CDH18: variants seen among roughly 807,000 people sequenced by gnomAD.
CDH18 encodes cadherin 18, also known as cadherin-18.
In CDH18, 31 loss-of-function variants were observed where a neutral mutation model predicts 67.9. That is an observed-to-expected ratio of 0.46 (90% CI 0.34 to 0.62). CDH18 has a LOEUF of 0.62. Ranked by LOEUF, CDH18 falls within the 20% of genes least tolerant of loss-of-function variation. The pLI is 0.01. For missense variants in CDH18, 890 were observed against 975.5 expected (o/e 0.91, Z 1.17); for synonymous variants, 362 against 347.2 (o/e 1.04, Z -0.48).
At chr5:20,301,985 C>T (rs1465391023) in intron 1 of CDH18, among the ~76,000 whole-genome samples, 1 of 151,872 alleles carries the variant, frequency 6.6e-6, no homozygotes, top group African/African-American at 2.4e-5. Context: ...GATGGCATAA[C>T]AAATTTTTTT....
intron 2 of CDH18, among the ~76,000 whole-genome samples, chr5:19,994,732 TATATATAG>T (rs1735795844): frequency 2.4e-4 from 3 of 12,532 alleles, no homozygotes; most frequent in African/African-American, 3.4e-4. Flanking sequence ...TATATATATA[TATATATAG>T]AGAGAGAGAG....
rs1247620818 is a variant in CDH18 at position 19,734,127 on chromosome 5, T to C, written c.524-12661A>G. Among the ~76,000 whole-genome samples, 3 of 152,260 alleles carry C rather than the reference T, an allele frequency of 2.0e-5. 1 individual carries two copies. Among genetic ancestry groups the C allele is most frequent in the Admixed American group, 2.0e-4 (3 of 15,290 alleles). On this transcript the variant is annotated intron_variant, in intron 4 of 12. Coordinates refer to ENST00000382275, the MANE Select transcript of CDH18 (RefSeq NM_004934.5). The stretch of plus-strand genomic sequence containing the variant: ...AGTTAATCATTATTCTGTTTGTTCA[T>C]TTTAATCCTTGTCTTTTATCTTGTT...
intron 3 of CDH18, among the ~76,000 whole-genome samples, chr5:19,814,067 A>T (rs72740835): frequency 0.099 from 15,096 of 151,722 alleles, 812 homozygotes; most frequent in African/African-American, 0.14. Context: ...TGCAGATTTT[A>T]AAAAAAATAA....
intron 2 of CDH18, among the ~76,000 whole-genome samples, chr5:20,115,341 C>T (rs910902381): frequency 5.8e-5 from 7 of 119,862 alleles, no homozygotes; most frequent in African/African-American, 1.6e-4. Context: ...TGTAGTGGCG[C>T]GATCTCAGCT....
intron 2 of CDH18, among the ~76,000 whole-genome samples, chr5:20,215,449 TAAATAAATAAATAAATAAATAAAC>T (rs1470104711): frequency 2.0e-5 from 2 of 100,366 alleles, no homozygotes; most frequent in Non-Finnish European, 3.9e-5. Flanking sequence ...AATAAATAAA[TAAATAAATAAATAAATAAATAAAC>T]AAACCAGATG....
chr5:19,629,955 G>A (rs1243654649), intron 5 of CDH18, among the ~76,000 whole-genome samples: 1 of 151,746 alleles, frequency 6.6e-6, no homozygotes, highest in Non-Finnish European at 1.5e-5. Flanking sequence ...TTATTTTTTT[G>A]AAACAGAGTC....
intron 1 of CDH18, among the ~76,000 whole-genome samples, chr5:20,264,232 C>T (rs761913671): frequency 2.8e-4 from 43 of 152,066 alleles, no homozygotes; most frequent in Non-Finnish European, 2.9e-4. Context: ...TATGAAACAG[C>T]GAATTTTGCC....
chr5:20,171,702 C>T (rs1473008182), intron 2 of CDH18, among the ~76,000 whole-genome samples: 1 of 151,948 alleles, frequency 6.6e-6, no homozygotes, highest in Non-Finnish European at 1.5e-5. Flanking sequence ...TTTTGCATTG[C>T]AAAAGCTCTT....
At chr5:19,672,610 C>T (rs1260296560) in intron 5 of CDH18, among the ~76,000 whole-genome samples, 1 of 151,852 alleles carries the variant, frequency 6.6e-6, no homozygotes, top group African/African-American at 2.4e-5. Context: ...AAATTTTCTC[C>T]ACTGGTCTAT....
intron 6 of CDH18, among the ~76,000 whole-genome samples, chr5:19,607,537 GAAATT>G (rs1748249983): frequency 6.6e-6 from 1 of 150,818 alleles, no homozygotes. Context: ...CAAAATGAAT[GAAATT>G]AAATAATTCA....
chr5:19,753,247 A>G (rs1200962947), intron 3 of CDH18, among the ~76,000 whole-genome samples: 7 of 152,270 alleles, frequency 4.6e-5, no homozygotes, highest in Non-Finnish European at 1.0e-4. Context: ...GCCCCAAATA[A>G]AGGTAAGCCC....
At chr5:19,647,527 C>CAAAAAAAAAAAAAA (rs3062888) in intron 5 of CDH18, among the ~76,000 whole-genome samples, 2 of 28,808 alleles carry the variant, frequency 6.9e-5, no homozygotes, top group African/African-American at 2.7e-4. Context: ...GAGACTCCAT[C>CAAAAAAAAAAAAAA]AAAAAAAAAA....
At chr5:19,947,089 A>G (rs931812657) in intron 2 of CDH18, among the ~76,000 whole-genome samples, 2 of 152,138 alleles carry the variant, frequency 1.3e-5, no homozygotes, top group African/African-American at 4.8e-5. Context: ...CCTATACTAC[A>G]TAAAGCATAT....
At chr5:19,774,762 T>C (rs1182333803) in intron 3 of CDH18, among the ~76,000 whole-genome samples, 2 of 113,830 alleles carry the variant, frequency 1.8e-5, no homozygotes, top group Non-Finnish European at 3.3e-5. Context: ...GAAGCAAAGA[T>C]CACACCATTG....
intron 2 of CDH18, among the ~76,000 whole-genome samples, chr5:20,138,445 G>C (rs1004605388): frequency 6.6e-6 from 1 of 152,080 alleles, no homozygotes; most frequent in African/African-American, 2.4e-5. Flanking sequence ...GTTAAACATA[G>C]TGTTGGAAGT....
At chr5:19,681,820 TA>T (rs200833416) in intron 5 of CDH18, among the ~76,000 whole-genome samples, 3 of 151,850 alleles carry the variant, frequency 2.0e-5, no homozygotes, top group African/African-American at 7.3e-5. Context: ...TGTCATATCA[TA>T]AAAAAAATCT....
Position 19,810,105 on chromosome 5 carries a change from G to A in CDH18, c.228+28654C>T, listed in dbSNP as rs539791237. Among the ~76,000 whole-genome samples the A allele has an allele frequency of 1.1e-4, 17 of 152,206 alleles. No individual in the cohort carries two copies. In the South Asian group the frequency reaches 1.7e-3, roughly 15 times the overall value. On this transcript the variant is annotated intron_variant, in intron 3 of 12. Transcript: ENST00000382275. ...AGCACTTTGGGATGCCGAGGTGAGC[G>A]GATCACTTGAGGTCAGGAGTTTGAG... is the stretch of plus-strand genomic sequence containing the variant.
At position 20,144,107 on chromosome 5, in the gene CDH18, G is replaced by T. The variant is rs114365173; in HGVS notation, c.-518+111337C>A. Among the ~76,000 whole-genome samples, 176 of 152,250 alleles carry T rather than the reference G, an allele frequency of 1.2e-3. 1 individual carries two copies. Among genetic ancestry groups the T allele is most frequent in the African/African-American group, 4.1e-3 (169 of 41,552 alleles). Reference sequence around the variant, plus strand: ...GTGAAATAAAGGAATAATGGGAACAGAATCAGTGAAGGAAAAATGACTTTG... The same window carrying T: ...GTGAAATAAAGGAATAATGGGAACATAATCAGTGAAGGAAAAATGACTTTG... On this transcript the variant is annotated intron_variant, in intron 2 of 14. Transcript: ENST00000507958.
At chr5:19,550,687 A>G in intron 8 of CDH18, among the ~76,000 whole-genome samples, 1 of 148,280 alleles carries the variant, frequency 6.7e-6, no homozygotes, top group Non-Finnish European at 1.5e-5. Flanking sequence ...GGTTGGTTCC[A>G]AGTCTTTGCT....
Sources: allele counts gnomAD v4.1 joint callset (sites outside exome capture counted in the v4.1 genomes callset), GRCh38; gene constraint gnomAD v4.1.1; transcripts MANE v1.5; gene names NCBI Gene and HGNC (gene_info 2026-07-23, HGNC 2026-07-21).